ROR1: variants seen among roughly 807,000 people sequenced by gnomAD.
The protein encoded by ROR1 is ROR family WNT receptor 1, also known as inactive tyrosine-protein kinase transmembrane receptor ROR1.
A neutral mutation model predicts 78.8 loss-of-function variants in ROR1; 19 were observed. That is an observed-to-expected ratio of 0.24 (90% CI 0.17 to 0.35). The LOEUF (loss-of-function observed/expected upper bound fraction) is 0.35. ROR1 is among the 10% of genes least tolerant of loss of function. The probability of loss-of-function intolerance (pLI) is 1.00; values close to 1 mark genes in which losing one functional copy is unlikely to be tolerated. For missense variants in ROR1, 917 were observed against 1,177.8 expected, an observed-to-expected ratio of 0.78 and a Z score of 3.24; for synonymous variants, 386 against 433.6, an observed-to-expected ratio of 0.89 and a Z score of 1.36.
At chr1:64,001,710 A>G (rs1646384384) in intron 1 of ROR1, among the ~76,000 whole-genome samples, 1 of 152,116 alleles carries the variant, frequency 6.6e-6, no homozygotes. Flanking sequence ...TCCCACAGGT[A>G]GGGCGGCTCT....
intron 8 of ROR1, among the ~76,000 whole-genome samples, chr1:64,160,810 A>G (rs1649918653): frequency 6.6e-6 from 1 of 152,186 alleles, no homozygotes; most frequent in Non-Finnish European, 1.5e-5. Flanking sequence ...AATGTTGAGA[A>G]GTCTTAGAAA....
intron 1 of ROR1, among the ~76,000 whole-genome samples, chr1:63,835,905 A>G (rs887732084): frequency 3.3e-5 from 5 of 152,210 alleles, no homozygotes; most frequent in Admixed American, 3.3e-4. Context: ...TACGTCACAC[A>G]TTTAGGTTAA....
At position 64,153,796 on chromosome 1, in the gene ROR1, A is replaced by G. The variant is rs529202675; in HGVS notation, c.1175-5185A>G. On this transcript the variant is annotated intron_variant, in intron 7 of 8. Coordinates refer to ENST00000371079, the MANE Select transcript of ROR1 (RefSeq NM_005012.4). ...AATGGGCATAGAGTTTTAGTTTTGC[A>G]GCATGAAAAAGTTCTGGAGATTGGT... is the stretch of plus-strand genomic sequence containing the variant. Among the ~76,000 whole-genome samples the G allele has an allele frequency of 7.2e-5, 11 of 152,336 alleles. No individual in the cohort carries two copies. The East Asian group carries it at 2.1e-3, about 29-fold the overall frequency.
chr1:64,116,458 T>C (rs1648318665), intron 4 of ROR1, among the ~76,000 whole-genome samples: 1 of 152,176 alleles, frequency 6.6e-6, no homozygotes, highest in Non-Finnish European at 1.5e-5. Context: ...AGAATACCCC[T>C]TTTTAAATGA....
intron 3 of ROR1, among the ~76,000 whole-genome samples, chr1:64,050,364 A>T (rs1646818821): frequency 6.6e-6 from 1 of 152,176 alleles, no homozygotes; most frequent in African/African-American, 2.4e-5. Flanking sequence ...TCACTGTTGC[A>T]ATCAACACCT....
chr1:64,062,734 T>C (rs907251419), intron 4 of ROR1, among the ~76,000 whole-genome samples: 5 of 152,230 alleles, frequency 3.3e-5, no homozygotes, highest in African/African-American at 7.2e-5. Context: ...TATTGATTCA[T>C]CACGTCTTGT....
chr1:63,967,998 A>G (rs1646089346), intron 1 of ROR1, among the ~76,000 whole-genome samples: 1 of 152,038 alleles, frequency 6.6e-6, no homozygotes, highest in Non-Finnish European at 1.5e-5. Context: ...TCCTTCTTAC[A>G]TTTTGTTTCC....
intron 4 of ROR1, among the ~76,000 whole-genome samples, chr1:64,091,537 C>G (rs1189350963): frequency 6.6e-6 from 1 of 152,098 alleles, no homozygotes; most frequent in Non-Finnish European, 1.5e-5. Context: ...TCATCCTTAG[C>G]CTGCTGGTAG....
At chr1:63,910,836 C>T (rs1225788543) in intron 1 of ROR1, among the ~76,000 whole-genome samples, 1 of 152,212 alleles carries the variant, frequency 6.6e-6, no homozygotes, top group Non-Finnish European at 1.5e-5. Context: ...CAAGGACGTG[C>T]ATCCAGCCTT....
chr1:63,881,728 C>T (rs1376121938), intron 1 of ROR1, among the ~76,000 whole-genome samples: 1 of 152,170 alleles, frequency 6.6e-6, no homozygotes, highest in Non-Finnish European at 1.5e-5. Context: ...AGACACTTTG[C>T]TAGGCCTAGT....
Position 64,159,118 on chromosome 1 carries a change from C to G in ROR1, c.1312C>G (p.Pro438Ala), listed in dbSNP as rs887718218. 6.2e-7 allele frequency: 1 copy of G among 1,613,996 alleles called. No individual in the cohort carries two copies. The highest frequency in any genetic ancestry group is 1.3e-5 in the African/African-American group (1 of 74,892). ...CRNNQKSSSAPVQRQPKHVRG... is the reference protein window; with the variant it reads ...CRNNQKSSSAAVQRQPKHVRG... ...GAATAACCAGAAGTCATCGTCGGCA[C>G]CAGTCCAGAGGCAACCAAAACACGT... The change falls in exon 8 of 9, where the codon CCA becomes GCA. Residue 438 changes from proline (P) to alanine (A), a missense_variant. Transcript: ENST00000371079.
At chr1:63,982,609 T>G (rs1646218792) in intron 1 of ROR1, among the ~76,000 whole-genome samples, 1 of 152,158 alleles carries the variant, frequency 6.6e-6, no homozygotes, top group Non-Finnish European at 1.5e-5. Flanking sequence ...CTTTAAATAG[T>G]CAAGTTAAAT....
chr1:64,117,771 C>T (rs2100682912), intron 4 of ROR1, among the ~76,000 whole-genome samples: 1 of 152,338 alleles, frequency 6.6e-6, no homozygotes, highest in East Asian at 1.9e-4. Context: ...CAGCCTTGTC[C>T]TCTTTCCACA....
chr1:64,177,632 C>G lies in ROR1; in HGVS notation c.1591C>G (p.His531Asp). The change falls in exon 9 of 9, where the codon CAC becomes GAC. Residue 531 changes from histidine (H) to aspartate (D), a missense_variant. Physicochemically the swap from His to Asp is moderately conservative, Grantham distance 81. Transcript: ENST00000371079. ...AGAAGCCTCCCTAATGGCAGAACTG[C>G]ACCACCCCAATATTGTCTGCCTTCT... ...QQEASLMAEL[H>D]HPNIVCLLGA... 6.2e-7 allele frequency: 1 copy of G among 1,614,192 alleles called. No homozygotes were observed. Among genetic ancestry groups the G allele is most frequent in the East Asian group, 2.2e-5 (1 of 44,874 alleles).
At chr1:64,046,198 T>C (rs1354232591) in intron 2 of ROR1, among the ~76,000 whole-genome samples, 2 of 152,130 alleles carry the variant, frequency 1.3e-5, no homozygotes, top group Non-Finnish European at 2.9e-5. Context: ...GAAGTGATGG[T>C]CTGACACACA....
chr1:63,983,682 A>G (rs1209182136), intron 1 of ROR1, among the ~76,000 whole-genome samples: 1 of 152,190 alleles, frequency 6.6e-6, no homozygotes, highest in Non-Finnish European at 1.5e-5. Context: ...CACAGCATTA[A>G]AACTGCCTTT....
chr1:64,046,603 G>T (rs1416497071), intron 2 of ROR1, among the ~76,000 whole-genome samples: 1 of 152,186 alleles, frequency 6.6e-6, no homozygotes, highest in Non-Finnish European at 1.5e-5. Flanking sequence ...CATGGCTAAA[G>T]CTTAGGCCCA....
chr1:63,872,582 G>C (rs567366634), intron 1 of ROR1, among the ~76,000 whole-genome samples: 4 of 152,272 alleles, frequency 2.6e-5, no homozygotes, highest in African/African-American at 9.6e-5. Context: ...ACACCACCAA[G>C]TTGAATTCCT....
Position 64,139,151 on chromosome 1 carries a change from A to G in ROR1, c.611-958A>G, listed in dbSNP as rs1557670153. Among the ~76,000 whole-genome samples the G allele has an allele frequency of 3.1e-5, 4 of 128,374 alleles. No individual in the cohort carries two copies. The Admixed American group carries it at 3.5e-4, about 11-fold the overall frequency. 84.2% of individuals were successfully genotyped at this position (128,374 alleles called of 152,430 possible). On this transcript the variant is annotated intron_variant, in intron 5 of 8. Transcript: ENST00000371079. Reference sequence around the variant, plus strand: ...CCCTGCACTCCAGCCTGGGCGACAGAGTGAGACTGTCTCAAAAAAAAAAAA... The same window carrying G: ...CCCTGCACTCCAGCCTGGGCGACAGGGTGAGACTGTCTCAAAAAAAAAAAA...
Sources: gnomAD v4.1 joint callset for allele counts (sites outside exome capture counted in the v4.1 genomes callset) on GRCh38, gnomAD v4.1.1 for gene constraint, MANE v1.5 for transcripts, NCBI Gene and HGNC (gene_info 2026-07-23, HGNC 2026-07-21) for gene names.